APBB2: variants seen among roughly 807,000 people sequenced by gnomAD.
The protein encoded by APBB2 is amyloid beta precursor protein binding family B member 2.
A neutral mutation model predicts 82.5 loss-of-function variants in APBB2; 38 were observed. The ratio of observed to expected loss-of-function variants is 0.46; its 90% CI spans 0.36 to 0.60. APBB2 has a LOEUF of 0.60. APBB2 is among the 20% of genes least tolerant of loss of function. The pLI is 0.00. For missense variants in APBB2, 772 were observed against 972.3 expected (o/e 0.79, Z 2.74); for synonymous variants, 341 against 368.2 (o/e 0.93, Z 0.85).
chr4:40,917,283 G>A (rs1255182004), intron 10 of APBB2, among the ~76,000 whole-genome samples: 1 of 152,092 alleles, frequency 6.6e-6, no homozygotes, highest in African/African-American at 2.4e-5. Flanking sequence ...CTGGCTTTTA[G>A]AGCTGAACTC....
chr4:41,093,722 C>T (rs749687821), intron 3 of APBB2, among the ~76,000 whole-genome samples: 19 of 152,162 alleles, frequency 1.2e-4, no homozygotes, highest in Non-Finnish European at 2.4e-4. Context: ...GGCGTGGTGG[C>T]GCACGCCTGT....
intron 10 of APBB2, among the ~76,000 whole-genome samples, chr4:40,894,289 CAA>C (rs955572957): frequency 4.9e-5 from 6 of 122,270 alleles, no homozygotes; most frequent in East Asian, 2.3e-4. Flanking sequence ...GACTCCGTCT[CAA>C]AAAAAAAAAA....
Position 40,811,043 on chromosome 4 carries a change from A to C in APBB2, c.*5049T>G, listed in dbSNP as rs747123198. On this transcript the variant is annotated 3_prime_UTR_variant, in exon 18 of 18. Transcript: ENST00000508593. ...CATTGTTATGGAATAGTTTAGGATA[A>C]TTTTCTGATCTCTACAGTAGCATGT... The C allele has an allele frequency of 6.6e-6, 1 of 152,110 alleles. No homozygotes were observed. Among genetic ancestry groups the C allele is most frequent in the African/African-American group, 2.4e-5 (1 of 41,420 alleles). The allele number at this position is 152,110 out of a possible 1,614,324, so 9.4% of individuals were successfully genotyped here.
At chr4:40,896,472 A>C (rs1414033086) in intron 10 of APBB2, among the ~76,000 whole-genome samples, 1 of 152,226 alleles carries the variant, frequency 6.6e-6, no homozygotes, top group Non-Finnish European at 1.5e-5. Context: ...CTAAGTCCCA[A>C]TTTTGCTCGT....
chr4:41,116,557 G>C (rs1751048447), intron 2 of APBB2, among the ~76,000 whole-genome samples: 1 of 152,146 alleles, frequency 6.6e-6, no homozygotes. Context: ...CTTGAACCTG[G>C]GAGGCAGAGG....
In APBB2 at chr4:40,816,197, C is replaced by T. The variant is rs202161633; in HGVS notation, c.2175G>A (p.Pro725=). 6.2e-6 allele frequency: 10 copies of T among 1,614,156 alleles called. No homozygotes were observed. The highest frequency in any genetic ancestry group is 1.7e-5 in the Admixed American group (1 of 60,014). ...CTCTTCTGGTTACTGAATCTGCTGG[C>T]GGTGGAGGTGGTCGAACTTTCTGAG... ...PPSQKVRPPP[P]PADSVTRRVT... Residue 725 remains proline, a synonymous_variant, in exon 18 of 18, where the codon CCG becomes CCA. Transcript: ENST00000508593.
chr4:41,068,489 C>T (rs1458400002), intron 3 of APBB2, among the ~76,000 whole-genome samples: 1 of 152,100 alleles, frequency 6.6e-6, no homozygotes, highest in African/African-American at 2.4e-5. Flanking sequence ...AATGAGATGA[C>T]AGGTAAATGG....
chr4:40,924,532 T>G (rs28699516), intron 10 of APBB2, among the ~76,000 whole-genome samples: 8,132 of 152,140 alleles, frequency 0.053, 720 homozygotes, highest in African/African-American at 0.18. Context: ...CCTTCCTGCT[T>G]CTTAGAAGCT....
chr4:40,973,441 C>T (rs1796422129), intron 6 of APBB2, among the ~76,000 whole-genome samples: 1 of 152,154 alleles, frequency 6.6e-6, no homozygotes, highest in African/African-American at 2.4e-5. Context: ...GAAGCCTTCC[C>T]CATACCTTGG....
At chr4:40,940,476 C>A (rs1385502676) in intron 7 of APBB2, among the ~76,000 whole-genome samples, 4 of 152,170 alleles carry the variant, frequency 2.6e-5, no homozygotes, top group African/African-American at 9.7e-5. Context: ...AGATTCCTTC[C>A]AGCACTCAAT....
chr4:41,126,227 A>T (rs1754356072), intron 2 of APBB2, among the ~76,000 whole-genome samples: 1 of 151,808 alleles, frequency 6.6e-6, no homozygotes, highest in South Asian at 2.1e-4. Flanking sequence ...AAAAAAAAAA[A>T]AAAAAAATTA....
At chr4:41,054,807 G>C (rs1175319882) in intron 4 of APBB2, among the ~76,000 whole-genome samples, 1 of 151,764 alleles carries the variant, frequency 6.6e-6, no homozygotes, top group African/African-American at 2.4e-5. Flanking sequence ...CTATTCCCCA[G>C]GCAGAAAAGC....
At chr4:40,894,530 G>A (rs892806604) in intron 10 of APBB2, among the ~76,000 whole-genome samples, 1 of 152,128 alleles carries the variant, frequency 6.6e-6, no homozygotes, top group African/African-American at 2.4e-5. Flanking sequence ...CAGAAAGGCA[G>A]CAAAACAAGG....
chr4:41,109,885 A>C (rs1580116484), intron 2 of APBB2, among the ~76,000 whole-genome samples: 1 of 152,194 alleles, frequency 6.6e-6, no homozygotes, highest in African/African-American at 2.4e-5. Context: ...CTAAAAAATT[A>C]ATGTTCAGAC....
At chr4:40,880,843 G>A in intron 12 of APBB2, 1 of 980,618 alleles carries the variant, frequency 1.0e-6, no homozygotes, top group Non-Finnish European at 1.2e-6. Context: ...ATGCTCACAA[G>A]AAATCCTGAA....
intron 12 of APBB2, among the ~76,000 whole-genome samples, chr4:40,857,444 A>C (rs1391615771): frequency 6.6e-6 from 1 of 152,156 alleles, no homozygotes; most frequent in East Asian, 1.9e-4. Flanking sequence ...GAAAAAGTTG[A>C]TGCTCTAGGC....
rs185963629 is a variant in APBB2, at chr4:40,924,169, C to T, written c.1254+10287G>A. 1.2e-3 allele frequency among the ~76,000 whole-genome samples: 178 copies of T among 152,298 alleles called. 1 individual carries two copies. The highest frequency in any genetic ancestry group is 4.2e-3 in the African/African-American group (173 of 41,576). Reference sequence around the variant, plus strand: ...GGAATGAGATGATCCTTATTTTCCCCTTGTGAATGCCAACCTAAAAGCCAT... The same window carrying T: ...GGAATGAGATGATCCTTATTTTCCCTTTGTGAATGCCAACCTAAAAGCCAT... On this transcript the variant is annotated intron_variant, in intron 10 of 17. Transcript: ENST00000508593.
At chr4:41,200,126 G>C (rs1178821811) in intron 1 of APBB2, among the ~76,000 whole-genome samples, 1 of 152,188 alleles carries the variant, frequency 6.6e-6, no homozygotes, top group African/African-American at 2.4e-5. Context: ...CCTACATGGT[G>C]AAAAGCACCA....
chr4:41,054,204 G>A (rs1227420218), intron 4 of APBB2, among the ~76,000 whole-genome samples: 3 of 152,202 alleles, frequency 2.0e-5, no homozygotes, highest in Non-Finnish European at 4.4e-5. Context: ...AAGGCAGAAA[G>A]AATGGGAAAG....
Sources: gnomAD v4.1 joint callset for allele counts (sites outside exome capture counted in the v4.1 genomes callset) on GRCh38, gnomAD v4.1.1 for gene constraint, MANE v1.5 for transcripts, NCBI Gene and HGNC (gene_info 2026-07-23, HGNC 2026-07-21) for gene names.